The following MLC1 variants were observed in gnomAD, a reference collection of about 807,000 sequenced individuals.
MLC1 encodes the protein modulator of VRAC current 1, also known as membrane protein MLC1.
A neutral mutation model predicts 44.7 loss-of-function variants in MLC1; 32 were observed. That is an observed-to-expected ratio of 0.72 (90% CI 0.54 to 0.96). The LOEUF is 0.96. Ranked by LOEUF, MLC1 falls within the 40% of genes least tolerant of loss-of-function variation. MLC1 has a pLI of 0.00. For synonymous variants in MLC1, 190 were observed against 213.0 expected, an observed-to-expected ratio of 0.89 and a Z score of 0.94; for missense variants, 459 against 492.2, an observed-to-expected ratio of 0.93 and a Z score of 0.64.
At chr22:50,071,581 A>ATT (rs1042557962) in intron 8 of MLC1, among the ~76,000 whole-genome samples, 1 of 151,982 alleles carries the variant, frequency 6.6e-6, no homozygotes, top group African/African-American at 2.4e-5. Flanking sequence ...GTGGGACAGG[A>ATT]TTTCCTCATG....
intron 5 of MLC1, among the ~76,000 whole-genome samples, chr22:50,079,005 C>T (rs373080466): frequency 5.7e-4 from 87 of 151,658 alleles, no homozygotes; most frequent in African/African-American, 2.0e-3. Context: ...CGTCACAGGC[C>T]GGGCGCGGTG....
At chr22:50,070,931 A>G (rs2146833139) in intron 8 of MLC1, among the ~76,000 whole-genome samples, 1 of 152,312 alleles carries the variant, frequency 6.6e-6, no homozygotes, top group Non-Finnish European at 1.5e-5. Context: ...TCTCCCAGAT[A>G]GCCTGATGCC....
Position 50,083,059 on chromosome 22 carries a change from C to T in MLC1, c.267+25G>A, listed in dbSNP as rs1313214445. 1 of 1,610,524 alleles carries T rather than the reference C, an allele frequency of 6.2e-7. No individual in the cohort carries two copies. The highest frequency in any genetic ancestry group is 1.1e-5 in the South Asian group (1 of 91,006). On this transcript the variant is annotated intron_variant, in intron 3 of 11. Transcript: ENST00000311597. The surrounding 1 kb of genome is among the most constrained non-coding windows in gnomAD (Gnocchi z 4.6). Reference sequence around the variant, plus strand: ...ACGTGCCGGCGAGCTTGGGCACTGGCAGAGGCGTGGAGGAAGCTGCTTACA... The same window carrying T: ...ACGTGCCGGCGAGCTTGGGCACTGGTAGAGGCGTGGAGGAAGCTGCTTACA...
chr22:50,084,726 C>A lies in MLC1; in HGVS notation c.177G>T (p.Gly59=). Residue 59 remains glycine, a splice_region_variant and synonymous_variant, in exon 2 of 12, where the codon GGG becomes GGT. Coordinates refer to ENST00000311597, the MANE Select transcript of MLC1 (RefSeq NM_015166.4). Reference sequence around the variant, plus strand: ...AAGGGCTTAGTGTGGAGCTACTCACCCCCATCAGCACAGAGAAGACCCACG... The same window carrying A: ...AAGGGCTTAGTGTGGAGCTACTCACACCCATCAGCACAGAGAAGACCCACG... ...HKTWVFSVLM[G]SCLLVTSGFS... is the part of the protein sequence containing the mutation. The A allele has an allele frequency of 6.2e-7, 1 of 1,613,944 alleles. No homozygotes were observed. Among genetic ancestry groups the A allele is most frequent in the Non-Finnish European group, 8.5e-7 (1 of 1,180,012 alleles).
intron 9 of MLC1, among the ~76,000 whole-genome samples, chr22:50,070,268 T>G (rs1021511501): frequency 7.9e-5 from 12 of 152,204 alleles, no homozygotes; most frequent in African/African-American, 2.7e-4. Flanking sequence ...ACTGGTCTCC[T>G]TCCAAGGGTT....
chr22:50,072,371 C>G (rs974856467), intron 8 of MLC1, among the ~76,000 whole-genome samples: 4 of 152,232 alleles, frequency 2.6e-5, no homozygotes, highest in African/African-American at 7.2e-5. Flanking sequence ...GCCCCTCTGC[C>G]GCACCCAGGC....
chr22:50,064,254 A>T, intron 10 of MLC1, 56 bp from the exon 11 acceptor site: 2 of 1,546,168 alleles, frequency 1.3e-6, no homozygotes. Context: ...AGCCCAGGAG[A>T]CCAAAGCTCC....
chr22:50,078,966 C>A (rs528665879), intron 5 of MLC1, among the ~76,000 whole-genome samples: 80 of 152,154 alleles, frequency 5.3e-4, no homozygotes, highest in African/African-American at 1.9e-3. Flanking sequence ...GGGACCACAC[C>A]CCATCTGCTC....
chr22:50,074,148 G>T (rs2061923161), intron 8 of MLC1, 68 bp downstream of exon 8: 2 of 1,346,384 alleles, frequency 1.5e-6, no homozygotes, highest in Non-Finnish European at 2.1e-6. Context: ...TGAGCTCGGG[G>T]CCCAGCCACG....
chr22:50,079,500 CTTTTTTTTTT>C, intron 5 of MLC1, among the ~76,000 whole-genome samples: 2 of 75,808 alleles, frequency 2.6e-5, no homozygotes, highest in African/African-American at 1.0e-4. Flanking sequence ...GGATTTTTGT[CTTTTTTTTTT>C]TTTTTTTTTT....
At position 50,080,352 on chromosome 22, in the gene MLC1, C is replaced by T. The variant is rs754661834; in HGVS notation, c.313G>A (p.Ala105Thr). The change falls in exon 4 of 12, where the codon GCC becomes ACC. Residue 105 changes from alanine (A) to threonine (T), a missense_variant. By Grantham distance (58) the Ala-to-Thr change is moderately conservative. Coordinates refer to ENST00000311597, the MANE Select transcript of MLC1 (RefSeq NM_015166.4). ...CTGCAAGCTAGACTCACCACATTGG[C>T]GTTCCTCCTGGAGACGGTGAAGCTC... ...IVSFTVSRRNANVIPNFQILF... is the reference protein window; with the variant it reads ...IVSFTVSRRNTNVIPNFQILF... 64 of 1,607,454 alleles carry T rather than the reference C, an allele frequency of 4.0e-5. No homozygotes were observed. The highest frequency in any genetic ancestry group is 4.6e-5 in the Non-Finnish European group (54 of 1,177,068).
chr22:50,063,740 AGT>A, intron 11 of MLC1, among the ~76,000 whole-genome samples: 2 of 130,174 alleles, frequency 1.5e-5, no homozygotes, highest in African/African-American at 2.8e-5. Flanking sequence ...TCACCTCCCC[AGT>A]GCCCCCACCC....
At position 50,059,714 on chromosome 22, in the gene MLC1, C is replaced by G. The variant is rs1471178468; in HGVS notation, c.*1869G>C. ...GACAGGGTGGGGTCTGCATCCGGTACCAGTGACAGCAGCCTCTCCTCTCCC... is the reference window on the plus strand; with the variant it reads ...GACAGGGTGGGGTCTGCATCCGGTAGCAGTGACAGCAGCCTCTCCTCTCCC... On this transcript the variant is annotated 3_prime_UTR_variant, in exon 12 of 12. Transcript: ENST00000311597. The G allele has an allele frequency of 2.0e-5, 3 of 152,342 alleles. No individual in the cohort carries two copies. The highest frequency in any genetic ancestry group is 2.9e-5 in the Non-Finnish European group (2 of 68,098). 9.4% of individuals were successfully genotyped at this position (152,342 alleles called of 1,614,324 possible).
At chr22:50,077,551 C>T in intron 5 of MLC1, 49 bp from the exon 6 acceptor site, 1 of 1,478,222 alleles carries the variant, frequency 6.8e-7, no homozygotes, top group Non-Finnish European at 9.4e-7. Context: ...TTTCTCACGC[C>T]ACCGCGCTTC....
intron 9 of MLC1, among the ~76,000 whole-genome samples, chr22:50,070,181 G>C (rs1342912496): frequency 6.6e-6 from 1 of 152,108 alleles, no homozygotes; most frequent in Non-Finnish European, 1.5e-5. Context: ...CAGCCTGGGG[G>C]ACAAGAGCGA....
At chr22:50,063,362 A>C (rs1259362801) in intron 11 of MLC1, among the ~76,000 whole-genome samples, 1 of 150,594 alleles carries the variant, frequency 6.6e-6, no homozygotes, top group African/African-American at 2.5e-5. Flanking sequence ...AGTCCCAGCT[A>C]CTCGGGAGGC....
At chr22:50,081,882 T>C (rs1283015492) in intron 3 of MLC1, among the ~76,000 whole-genome samples, 1 of 152,216 alleles carries the variant, frequency 6.6e-6, no homozygotes, top group Non-Finnish European at 1.5e-5. Context: ...ACAGCTCCAC[T>C]GGGACAAGGG....
At chr22:50,078,612 G>C (rs1257988541) in intron 5 of MLC1, among the ~76,000 whole-genome samples, 1 of 151,866 alleles carries the variant, frequency 6.6e-6, no homozygotes, top group African/African-American at 2.4e-5. Context: ...GGTGGCGCAC[G>C]CCTGTAATCC....
intron 11 of MLC1, 145 bp downstream of exon 11, chr22:50,063,889 G>T: frequency 1.2e-6 from 1 of 863,050 alleles, no homozygotes; most frequent in Non-Finnish European, 1.6e-6. Context: ...CCCCCTGCAG[G>T]CCACTCACCT....
Sources: gnomAD v4.1 joint callset for allele counts (sites outside exome capture counted in the v4.1 genomes callset) on GRCh38, gnomAD v4.1.1 for gene constraint, Gnocchi (gnomAD v3.1) non-coding constraint, MANE v1.5 for transcripts, NCBI Gene and HGNC (gene_info 2026-07-23, HGNC 2026-07-21) for gene names.